CACNA2D1: variants seen among roughly 807,000 people sequenced by gnomAD.
CACNA2D1 encodes voltage-dependent calcium channel subunit alpha-2/delta-1.
CACNA2D1 carries 53 observed loss-of-function variants against 171.5 expected under a neutral mutation model. That is an observed-to-expected ratio of 0.31 (90% CI 0.25 to 0.39). The LOEUF (loss-of-function observed/expected upper bound fraction) is 0.39, where lower values mean the gene tolerates loss of function less well. Ranked by LOEUF, CACNA2D1 falls within the 10% of genes least tolerant of loss-of-function variation. CACNA2D1 has a pLI of 1.00. For synonymous variants in CACNA2D1, 442 were observed against 443.1 expected (o/e 1.00, Z 0.03); for missense variants, 903 against 1,299.8 (o/e 0.69, Z 4.69).
intron 2 of CACNA2D1, among the ~76,000 whole-genome samples, chr7:82,338,269 T>C (rs73152920): frequency 0.12 from 19,002 of 152,112 alleles, 1,870 homozygotes; most frequent in African/African-American, 0.27. Context: ...CCCAGAAATA[T>C]TTACTCAAAA....
At chr7:82,098,050 G>A (rs1437564772) in intron 6 of CACNA2D1, among the ~76,000 whole-genome samples, 1 of 152,004 alleles carries the variant, frequency 6.6e-6, no homozygotes, top group African/African-American at 2.4e-5. Context: ...CGAGGCAGTG[G>A]TTGCAGTGAG....
chr7:82,289,303 T>C (rs1041092900), intron 3 of CACNA2D1, among the ~76,000 whole-genome samples: 1 of 152,218 alleles, frequency 6.6e-6, no homozygotes, highest in Non-Finnish European at 1.5e-5. Flanking sequence ...CTCACATTTT[T>C]TTCTTTTGCA....
At chr7:82,142,977 C>T (rs1352112685) in intron 4 of CACNA2D1, among the ~76,000 whole-genome samples, 1 of 152,160 alleles carries the variant, frequency 6.6e-6, no homozygotes, top group African/African-American at 2.4e-5. Context: ...TGAGTTCAAC[C>T]AACAGCACTG....
Position 82,084,864 on chromosome 7 carries a change from G to T in CACNA2D1, c.563C>A (p.Ala188Asp). ...IVLNELNWTSALDEVFKKNRE... is the reference protein window; with the variant it reads ...IVLNELNWTSDLDEVFKKNRE... The stretch of plus-strand genomic sequence containing the variant: ...ATTCTTTTTGAAAACTTCATCTAAG[G>T]CACTTGTCCAGTTGAGTTCATTTAA... The change falls in exon 7 of 39, where the codon GCC becomes GAC. Residue 188 changes from alanine (A) to aspartate (D), a missense_variant. Coordinates refer to ENST00000356860, the MANE Select transcript of CACNA2D1 (RefSeq NM_000722.4). 6.2e-7 allele frequency: 1 copy of T among 1,613,544 alleles called. No individual in the cohort carries two copies. The highest frequency in any genetic ancestry group is 8.5e-7 in the Non-Finnish European group (1 of 1,179,544).
chr7:81,951,975 T>TTTTTTTTTTTTTGTTTTTTG (rs1554321720), intron 38 of CACNA2D1, among the ~76,000 whole-genome samples: 1 of 147,374 alleles, frequency 6.8e-6, no homozygotes, highest in African/African-American at 2.5e-5. Flanking sequence ...AAGTGTTTTT[T>TTTTTTTTTTTTTGTTTTTTG]TTTTTTTTTT....
chr7:82,430,295 G>A lies in CACNA2D1; in HGVS notation c.95+13070C>T, dbSNP rs1829563865. 4.0e-5 allele frequency among the ~76,000 whole-genome samples: 6 copies of A among 151,610 alleles called. No homozygotes were observed. The South Asian group carries it at 1.3e-3, about 32-fold the overall frequency. Reference sequence around the variant, plus strand: ...TAGCCAGGCATGGTGGTTGGCACCTGTAATCCCAGCTACTCAGGAGGCTGA... The same window carrying A: ...TAGCCAGGCATGGTGGTTGGCACCTATAATCCCAGCTACTCAGGAGGCTGA... On this transcript the variant is annotated intron_variant, in intron 1 of 38. Transcript: ENST00000356860.
chr7:82,306,789 A>G (rs902966257), intron 3 of CACNA2D1, among the ~76,000 whole-genome samples: 2 of 152,076 alleles, frequency 1.3e-5, no homozygotes, highest in African/African-American at 2.4e-5. Context: ...TCATTAATAG[A>G]ATAAATAAAA....
intron 4 of CACNA2D1, among the ~76,000 whole-genome samples, chr7:82,155,924 T>C (rs1294015972): frequency 6.6e-6 from 1 of 152,188 alleles, no homozygotes; most frequent in Non-Finnish European, 1.5e-5. Flanking sequence ...ATATCCTGCA[T>C]ACTAGTCAAT....
At chr7:81,953,721 A>AT (rs1268432434) in intron 38 of CACNA2D1, among the ~76,000 whole-genome samples, 1 of 152,172 alleles carries the variant, frequency 6.6e-6, no homozygotes, top group African/African-American at 2.4e-5. Context: ...ATTGTCACTT[A>AT]AACAGGAGTA....
Position 82,427,224 on chromosome 7 carries a change from G to C in CACNA2D1, c.95+16141C>G, listed in dbSNP as rs1010772593. ...GGATGGTAGCAAAATGTTTAAAAGA[G>C]AGGAAAACATCAAACTTCATGATTT... On this transcript the variant is annotated intron_variant, in intron 1 of 38. Coordinates refer to ENST00000356860, the MANE Select transcript of CACNA2D1 (RefSeq NM_000722.4). Among the ~76,000 whole-genome samples, 4 of 152,100 alleles carry C rather than the reference G, an allele frequency of 2.6e-5. No individual in the cohort carries two copies. In the South Asian group the frequency reaches 8.3e-4, roughly 32 times the overall value.
chr7:82,180,874 G>C (rs1797051495), intron 3 of CACNA2D1, among the ~76,000 whole-genome samples: 1 of 151,918 alleles, frequency 6.6e-6, no homozygotes, highest in Non-Finnish European at 1.5e-5. Context: ...GGCAGAGACA[G>C]TGAGGAGGAT....
chr7:81,965,869 C>T (rs1794661844), intron 31 of CACNA2D1, among the ~76,000 whole-genome samples: 1 of 151,740 alleles, frequency 6.6e-6, no homozygotes, highest in Non-Finnish European at 1.5e-5. Flanking sequence ...GATAATCCAA[C>T]ACCAACCATC....
At chr7:82,123,369 C>T (rs1437004290) in intron 5 of CACNA2D1, among the ~76,000 whole-genome samples, 1 of 152,200 alleles carries the variant, frequency 6.6e-6, no homozygotes, top group Non-Finnish European at 1.5e-5. Flanking sequence ...CAAGCTTATA[C>T]ATCACCCACG....
intron 24 of CACNA2D1, among the ~76,000 whole-genome samples, chr7:81,975,053 C>G (rs1795696351): frequency 6.6e-6 from 1 of 151,788 alleles, no homozygotes. Flanking sequence ...TGGAGTTACA[C>G]ACATATACAA....
intron 2 of CACNA2D1, among the ~76,000 whole-genome samples, chr7:82,342,442 A>G (rs1029414683): frequency 1.3e-5 from 2 of 152,186 alleles, no homozygotes; most frequent in Non-Finnish European, 2.9e-5. Flanking sequence ...TGGGAATGTG[A>G]ATAATGATTT....
At chr7:82,117,970 T>A (rs941550120) in intron 5 of CACNA2D1, among the ~76,000 whole-genome samples, 1 of 152,218 alleles carries the variant, frequency 6.6e-6, no homozygotes, top group Non-Finnish European at 1.5e-5. Flanking sequence ...AATATGGCAA[T>A]GAAGGATTAT....
At chr7:82,192,304 T>A (rs778247190) in intron 3 of CACNA2D1, among the ~76,000 whole-genome samples, 1 of 151,670 alleles carries the variant, frequency 6.6e-6, no homozygotes, top group Admixed American at 6.6e-5. Context: ...AATTTCACAA[T>A]AACTCTATTA....
At chr7:82,329,241 T>A (rs574168998) in intron 3 of CACNA2D1, among the ~76,000 whole-genome samples, 1 of 152,328 alleles carries the variant, frequency 6.6e-6, no homozygotes, top group South Asian at 2.1e-4. Flanking sequence ...TTTTTTGTTA[T>A]CTAATCATAA....
intron 4 of CACNA2D1, among the ~76,000 whole-genome samples, chr7:82,164,973 G>A (rs1042331777): frequency 6.6e-6 from 1 of 151,874 alleles, no homozygotes; most frequent in Non-Finnish European, 1.5e-5. Flanking sequence ...GCTGCAATTC[G>A]GTACCAGCTG....
Sources: gnomAD v4.1 joint callset for allele counts (sites outside exome capture counted in the v4.1 genomes callset) on GRCh38, gnomAD v4.1.1 for gene constraint, MANE v1.5 for transcripts, NCBI Gene and HGNC (gene_info 2026-07-23, HGNC 2026-07-21) for gene names.